Variants in STK3 observed in about 807,000 individuals in gnomAD.
The protein encoded by STK3 is serine/threonine-protein kinase 3.
Under a neutral mutation model 58.0 loss-of-function variants are expected in STK3, and 41 were observed. That is an observed-to-expected ratio of 0.71 (90% CI 0.55 to 0.92). STK3 has a LOEUF of 0.92. Ranked by LOEUF, STK3 falls within the 40% of genes least tolerant of loss-of-function variation. STK3 has a pLI of 0.00. For missense variants in STK3, 479 were observed against 602.7 expected (o/e 0.79, Z 2.15); for synonymous variants, 170 against 191.0 (o/e 0.89, Z 0.91).
rs1446532079 is a variant in STK3, at chr8:98,404,930, A to G, written n.484-3417T>C. Among the ~76,000 whole-genome samples, 3 of 152,226 alleles carry G rather than the reference A, an allele frequency of 2.0e-5. No individual in the cohort carries two copies. The East Asian group carries it at 5.8e-4, about 29-fold the overall frequency. On this transcript the variant is annotated intron_variant and non_coding_transcript_variant, in intron 3 of 3. Transcript: ENST00000517832. Reference sequence around the variant, plus strand: ...TAAGCTGAATGAATAAGCACACAATAACTAGGGTTGAGAGAGTCAATCAAA... The same window carrying G: ...TAAGCTGAATGAATAAGCACACAATGACTAGGGTTGAGAGAGTCAATCAAA...
intron 6 of STK3, among the ~76,000 whole-genome samples, chr8:98,666,501 G>C (rs928079895): frequency 3.9e-5 from 6 of 152,046 alleles, no homozygotes; most frequent in Non-Finnish European, 8.8e-5. Context: ...TTCTATAACA[G>C]AATATAACCT....
intron 3 of STK3, chr8:98,429,230 C>T: frequency 1.2e-6 from 2 of 1,614,046 alleles, no homozygotes; most frequent in South Asian, 2.2e-5. Context: ...CCCACTTTTA[C>T]CGGCGCCAAA....
At chr8:98,610,065 A>C (rs1207512676) in intron 6 of STK3, among the ~76,000 whole-genome samples, 1 of 152,172 alleles carries the variant, frequency 6.6e-6, no homozygotes, top group African/African-American at 2.4e-5. Context: ...AGAATCTGGA[A>C]GAAAACTTTC....
chr8:98,559,224 G>A (rs957039809), intron 8 of STK3, among the ~76,000 whole-genome samples: 16 of 152,202 alleles, frequency 1.1e-4, no homozygotes, highest in Admixed American at 2.0e-4. Flanking sequence ...TTTTATACAC[G>A]TGTTTCTTGA....
At chr8:98,925,482 A>C (rs1314382585) in intron 1 of STK3, among the ~76,000 whole-genome samples, 1 of 152,162 alleles carries the variant, frequency 6.6e-6, no homozygotes, top group African/African-American at 2.4e-5. Flanking sequence ...TGCCTCACTC[A>C]CTCATTTACC....
intron 7 of STK3, among the ~76,000 whole-genome samples, chr8:98,589,940 C>A (rs1326295532): frequency 6.6e-6 from 1 of 152,184 alleles, no homozygotes; most frequent in African/African-American, 2.4e-5. Context: ...TGAGGCAATG[C>A]CTCGCCCTGC....
At chr8:98,552,016 A>T (rs1203612487) in intron 8 of STK3, among the ~76,000 whole-genome samples, 1 of 152,098 alleles carries the variant, frequency 6.6e-6, no homozygotes, top group Non-Finnish European at 1.5e-5. Context: ...GGACTAAGAA[A>T]CAAGTTCTTT....
chr8:98,388,952 C>T (rs1192442178), upstream of STK3, among the ~76,000 whole-genome samples: 3 of 152,192 alleles, frequency 2.0e-5, no homozygotes, highest in Non-Finnish European at 2.9e-5. Flanking sequence ...CATTGAATGG[C>T]TCAGAACCAT....
intron 4 of STK3, among the ~76,000 whole-genome samples, chr8:98,726,496 G>A (rs901932020): frequency 1.3e-5 from 2 of 152,108 alleles, no homozygotes; most frequent in African/African-American, 4.8e-5. Context: ...TTAATGTTGT[G>A]GCTTAGAACT....
At chr8:98,872,210 A>T (rs1244222933) in intron 3 of STK3, among the ~76,000 whole-genome samples, 1 of 152,166 alleles carries the variant, frequency 6.6e-6, no homozygotes, top group African/African-American at 2.4e-5. Flanking sequence ...ATCGTGGTGG[A>T]TAAGCTTTTT....
downstream of STK3, among the ~76,000 whole-genome samples, chr8:98,368,759 G>A (rs1817586687): frequency 6.6e-6 from 1 of 152,168 alleles, no homozygotes; most frequent in African/African-American, 2.4e-5. Flanking sequence ...ACATCTGATG[G>A]TGCCATCTTG....
At chr8:98,555,327 A>G (rs1360589829) in intron 8 of STK3, among the ~76,000 whole-genome samples, 1 of 152,148 alleles carries the variant, frequency 6.6e-6, no homozygotes, top group Admixed American at 6.6e-5. Flanking sequence ...TTGTGAGACT[A>G]ATTTGTCATT....
At chr8:98,595,819 G>A (rs2129974263) in intron 7 of STK3, 1 of 438,188 alleles carries the variant, frequency 2.3e-6, no homozygotes, top group Non-Finnish European at 4.0e-6. Flanking sequence ...ATTCCTTTCT[G>A]AAAGGAGAAT....
rs1819439495 is a variant in STK3, at chr8:98,455,697, T to C, written c.*145A>G. ...AACTGTCAATTCTGCCTTTTGGGAA[T>C]TTACCTGGGCATGTACCATTGTCAC... On this transcript the variant is annotated 3_prime_UTR_variant, in exon 11 of 11. Transcript: ENST00000419617. The C allele has an allele frequency of 1.1e-6, 1 of 933,718 alleles. No homozygotes were observed. Among genetic ancestry groups the C allele is most frequent in the Middle Eastern group, 2.6e-4 (1 of 3,776 alleles). The allele number at this position is 933,718 out of a possible 1,614,324, so 57.8% of individuals were successfully genotyped here.
chr8:98,548,339 A>T (rs1010529580), intron 8 of STK3, among the ~76,000 whole-genome samples, 178 bp from the exon 9 acceptor site: 7 of 152,180 alleles, frequency 4.6e-5, no homozygotes, highest in African/African-American at 1.7e-4. Flanking sequence ...TATTCAAAAT[A>T]ACCTAAAGCT....
intron 6 of STK3, among the ~76,000 whole-genome samples, chr8:98,664,180 C>T (rs765519846): frequency 2.0e-5 from 3 of 152,108 alleles, no homozygotes; most frequent in African/African-American, 4.8e-5. Flanking sequence ...TGATTCCCAT[C>T]TAATTGAAGA....
intron 1 of STK3, among the ~76,000 whole-genome samples, chr8:98,803,530 C>T (rs569661966): frequency 2.8e-5 from 4 of 143,408 alleles, no homozygotes; most frequent in Non-Finnish European, 4.5e-5. Context: ...GGAGGCGGAG[C>T]TTGCAGTGAG....
chr8:98,801,373 G>A (rs760725297), intron 1 of STK3, among the ~76,000 whole-genome samples: 8 of 152,058 alleles, frequency 5.3e-5, no homozygotes, highest in Admixed American at 1.3e-4. Flanking sequence ...GTGGTAACCC[G>A]CTCGGTCCCC....
chr8:98,364,837 C>T, the STK3 span, among the ~76,000 whole-genome samples: 1 of 152,234 alleles, frequency 6.6e-6, no homozygotes, highest in Non-Finnish European at 1.5e-5. Flanking sequence ...AGATAGCTCA[C>T]GGTATTTCTT....
Sources: gnomAD v4.1 joint callset for allele counts (sites outside exome capture counted in the v4.1 genomes callset) on GRCh38, gnomAD v4.1.1 for gene constraint, MANE v1.5 for transcripts, NCBI Gene and HGNC (gene_info 2026-07-23, HGNC 2026-07-21) for gene names.